The following IRAK2 variants were observed in gnomAD, a reference collection of about 807,000 sequenced individuals.
The protein encoded by IRAK2 is interleukin 1 receptor associated kinase 2.
In IRAK2, 57 loss-of-function variants were observed where a neutral mutation model predicts 72.0. The observed-to-expected ratio is 0.79, with a 90% confidence interval of 0.64 to 0.99. The LOEUF is 0.99. Ranked by LOEUF, IRAK2 falls within the 50% of genes least tolerant of loss-of-function variation. The pLI is 0.00. For missense variants in IRAK2, 790 were observed against 794.4 expected (o/e 0.99, Z 0.07); for synonymous variants, 293 against 312.7 (o/e 0.94, Z 0.67).
intron 1 of IRAK2, among the ~76,000 whole-genome samples, chr3:10,166,669 C>G (rs1003103710): frequency 6.6e-6 from 1 of 152,094 alleles, no homozygotes; most frequent in Non-Finnish European, 1.5e-5. Context: ...TTTTTTGAGA[C>G]AGTCTCATTC....
chr3:10,185,992 G>A lies in IRAK2; in HGVS notation c.277+7972G>A, dbSNP rs929484754. ...TCTCTTGAACCAGGAGGCAGAGATT[G>A]TTGGGAGGCAGAGATTGCAATGAGC... On this transcript the variant is annotated intron_variant, in intron 2 of 12. Coordinates refer to ENST00000256458, the MANE Select transcript of IRAK2 (RefSeq NM_001570.4). 4.6e-5 allele frequency among the ~76,000 whole-genome samples: 7 copies of A among 151,584 alleles called. No homozygotes were observed. In the South Asian group the frequency reaches 6.2e-4, roughly 13 times the overall value.
At chr3:10,209,531 G>T in intron 3 of IRAK2, 58 bp from the exon 4 acceptor site, 1 of 1,145,206 alleles carries the variant, frequency 8.7e-7, no homozygotes, top group East Asian at 2.8e-5. Flanking sequence ...ACTAGACCAG[G>T]ATCCCTCCTG....
intron 8 of IRAK2, among the ~76,000 whole-genome samples, chr3:10,221,536 A>G (rs948685439): frequency 2.0e-5 from 3 of 150,962 alleles, no homozygotes; most frequent in Non-Finnish European, 4.4e-5. Context: ...TACAGGTGTG[A>G]GCCACCGCGC....
At chr3:10,221,597 GC>G (rs1277067726) in intron 8 of IRAK2, among the ~76,000 whole-genome samples, 1 of 151,970 alleles carries the variant, frequency 6.6e-6, no homozygotes, top group African/African-American at 2.4e-5. Flanking sequence ...TTTTGCCCAG[GC>G]TGGAGTACAG....
At chr3:10,171,802 G>A (rs574924565) in intron 1 of IRAK2, among the ~76,000 whole-genome samples, 25 of 144,308 alleles carry the variant, frequency 1.7e-4, no homozygotes, top group African/African-American at 5.4e-4. Context: ...GTCTCACTCT[G>A]TTGCCCAGGC....
rs1057199212 is a variant in IRAK2 at position 10,242,329 on chromosome 3, AC to A, written c.*102del. The stretch of plus-strand genomic sequence containing the variant: ...GAATCCAAGATCTGCCAGGAAACAC[AC>A]AACAAAACATCTGCTGTCCTGGGTG... On this transcript the variant is annotated 3_prime_UTR_variant, in exon 13 of 13. Coordinates refer to ENST00000256458, the MANE Select transcript of IRAK2 (RefSeq NM_001570.4). 12 of 646,684 alleles carry A rather than the reference AC, an allele frequency of 1.9e-5. No individual in the cohort carries two copies. The highest frequency in any genetic ancestry group is 3.0e-5 in the Non-Finnish European group (11 of 370,538). 40.1% of individuals were successfully genotyped at this position (646,684 alleles called of 1,614,324 possible). A position where few individuals can be genotyped will look rare whatever the true frequency, so the allele number is the denominator to read the frequency against.
intron 2 of IRAK2, among the ~76,000 whole-genome samples, chr3:10,198,050 T>A (rs974919737): frequency 2.0e-5 from 3 of 150,468 alleles, no homozygotes; most frequent in Non-Finnish European, 3.0e-5. Context: ...ATAGAAAAAA[T>A]TAGCCGGGCG....
At chr3:10,228,895 C>T (rs143169200) in intron 10 of IRAK2, among the ~76,000 whole-genome samples, 1 of 151,822 alleles carries the variant, frequency 6.6e-6, no homozygotes, top group East Asian at 1.9e-4. Context: ...AACATGCACA[C>T]ATGTGAGGAG....
chr3:10,209,160 G>A (rs558417270), intron 3 of IRAK2, among the ~76,000 whole-genome samples: 202 of 152,252 alleles, frequency 1.3e-3, no homozygotes, highest in African/African-American at 4.4e-3. Context: ...GATAGTTACT[G>A]CATCCCTGCC....
chr3:10,167,797 C>A (rs1401298916), intron 1 of IRAK2, among the ~76,000 whole-genome samples: 2 of 152,112 alleles, frequency 1.3e-5, no homozygotes, highest in Admixed American at 1.3e-4. Flanking sequence ...GCATTGGGTT[C>A]TTTTCACTTT....
rs185380376 is a variant in IRAK2, at chr3:10,226,380, G to A, written c.1219G>A (p.Glu407Lys). Reference protein sequence around the residue: ...DIFSCGIVLAEVLTGIPAMDN... With the variant: ...DIFSCGIVLAKVLTGIPAMDN... ...GTTCTGTTCTCTCCAGGTGTTGGCC[G>A]AGGTCCTCACGGGCATCCCTGCAAT... The change falls in exon 10 of 13, where the codon GAG becomes AAG. Residue 407 changes from glutamate to lysine, a missense_variant. Transcript: ENST00000256458. The A allele has an allele frequency of 8.7e-5, 140 of 1,613,438 alleles. No homozygotes were observed. The Admixed American group carries it at 1.0e-3, about 12-fold the overall frequency.
chr3:10,209,205 T>C (rs1190524823), intron 3 of IRAK2, among the ~76,000 whole-genome samples: 1 of 152,166 alleles, frequency 6.6e-6, no homozygotes, highest in Non-Finnish European at 1.5e-5. Flanking sequence ...GCTTGGTAGC[T>C]AGTTCACCTC....
At chr3:10,171,788 CGGAG>C (rs1356148790) in intron 1 of IRAK2, among the ~76,000 whole-genome samples, 1 of 138,320 alleles carries the variant, frequency 7.2e-6, no homozygotes, top group African/African-American at 2.7e-5. Context: ...TTTTTTGAGA[CGGAG>C]TCTCACTCTG....
At chr3:10,235,962 C>G (rs1575991955) in intron 11 of IRAK2, among the ~76,000 whole-genome samples, 1 of 152,300 alleles carries the variant, frequency 6.6e-6, no homozygotes, top group South Asian at 2.1e-4. Context: ...ATTCATTCCG[C>G]AGTTGTACAC....
rs955755845 is a variant in IRAK2 at position 10,242,429 on chromosome 3, G to A, written c.*201G>A. 1 of 402,816 alleles carries A rather than the reference G, an allele frequency of 2.5e-6. No individual in the cohort carries two copies. The highest frequency in any genetic ancestry group is 2.0e-5 in the African/African-American group (1 of 48,842). The allele number at this position is 402,816 out of a possible 1,614,324, so 25.0% of individuals were successfully genotyped here. A position where few individuals can be genotyped will look rare whatever the true frequency, so the allele number is the denominator to read the frequency against. The stretch of plus-strand genomic sequence containing the variant: ...AGCTTTTAGAGACACAAAAATCCAT[G>A]AAGTCTCTTCCTTTCTGGGCTTTGT... On this transcript the variant is annotated 3_prime_UTR_variant, in exon 13 of 13. Transcript: ENST00000256458.
chr3:10,199,934 C>T (rs1390667687), intron 2 of IRAK2, among the ~76,000 whole-genome samples: 1 of 143,826 alleles, frequency 7.0e-6, no homozygotes, highest in Non-Finnish European at 1.5e-5. Flanking sequence ...GTCGCTCAGG[C>T]TGGAGTGTAG....
intron 11 of IRAK2, 85 bp downstream of exon 11, chr3:10,234,744 G>C: frequency 8.5e-7 from 1 of 1,182,186 alleles, no homozygotes; most frequent in South Asian, 1.3e-5. Context: ...GAGGCCTGGT[G>C]CACAAACCAG....
chr3:10,200,605 G>A, intron 3 of IRAK2, 90 bp downstream of exon 3: 1 of 1,168,496 alleles, frequency 8.6e-7, no homozygotes, highest in Non-Finnish European at 1.2e-6. Context: ...GCATATAAGA[G>A]CAAAAAATTG....
intron 2 of IRAK2, among the ~76,000 whole-genome samples, chr3:10,195,041 T>A (rs952967544): frequency 2.0e-5 from 3 of 152,142 alleles, no homozygotes; most frequent in African/African-American, 7.2e-5. Flanking sequence ...CCAAATGCCC[T>A]GTGGTGCCAG....
Sources: gnomAD v4.1 joint callset for allele counts (sites outside exome capture counted in the v4.1 genomes callset) on GRCh38, gnomAD v4.1.1 for gene constraint, MANE v1.5 for transcripts, NCBI Gene and HGNC (gene_info 2026-07-23, HGNC 2026-07-21) for gene names.